DIXDC1: variants seen among roughly 807,000 people sequenced by gnomAD.
The protein encoded by DIXDC1 is dixin.
In DIXDC1, 64 loss-of-function variants were observed where a neutral mutation model predicts 103.1. The observed-to-expected ratio is 0.62, with a 90% CI of 0.51 to 0.76. The LOEUF (loss-of-function observed/expected upper bound fraction) is 0.76, where lower values mean the gene tolerates loss of function less well. DIXDC1 is among the 30% of genes least tolerant of loss of function. DIXDC1 has a pLI of 0.00. For synonymous variants in DIXDC1, 266 were observed against 298.5 expected (o/e 0.89, Z 1.12); for missense variants, 759 against 834.2 (o/e 0.91, Z 1.11).
intron 17 of DIXDC1, among the ~76,000 whole-genome samples, chr11:112,003,613 A>G (rs1417636155): frequency 6.6e-6 from 1 of 152,008 alleles, no homozygotes; most frequent in Non-Finnish European, 1.5e-5. Context: ...AGCCTGACCA[A>G]CATGGAGAAA....
At chr11:111,969,931 C>G (rs1214233016) in intron 3 of DIXDC1, among the ~76,000 whole-genome samples, 1 of 152,162 alleles carries the variant, frequency 6.6e-6, no homozygotes, top group Non-Finnish European at 1.5e-5. Context: ...TAAACTATCT[C>G]TCTTCACTGA....
chr11:111,960,254 C>T (rs1555170955), intron 1 of DIXDC1, among the ~76,000 whole-genome samples: 1 of 151,598 alleles, frequency 6.6e-6, no homozygotes, highest in Non-Finnish European at 1.5e-5. Flanking sequence ...TTCATTACGT[C>T]TAGGGAGCAT....
chr11:111,997,007 T>C (rs1860922902), intron 17 of DIXDC1, among the ~76,000 whole-genome samples: 1 of 152,222 alleles, frequency 6.6e-6, no homozygotes, highest in African/African-American at 2.4e-5. Flanking sequence ...AAAGCTACCC[T>C]GCCTGGTAAT....
intron 1 of DIXDC1, among the ~76,000 whole-genome samples, chr11:111,946,413 G>A (rs1342739040): frequency 6.6e-6 from 1 of 152,136 alleles, no homozygotes; most frequent in Non-Finnish European, 1.5e-5. Context: ...TATTAGAAAT[G>A]GGGCTTTGCC....
upstream of DIXDC1, among the ~76,000 whole-genome samples, chr11:111,936,412 T>A (rs1966187550): frequency 6.6e-6 from 1 of 152,258 alleles, no homozygotes; most frequent in African/African-American, 2.4e-5. Context: ...GCTTTTTACC[T>A]CTTTCAAATG....
intron 9 of DIXDC1, 122 bp downstream of exon 9, chr11:111,987,046 C>T (rs1184293697): frequency 1.6e-5 from 10 of 629,826 alleles, no homozygotes; most frequent in African/African-American, 9.3e-5. Flanking sequence ...GTCAGGAGAT[C>T]GAGACCATCC....
chr11:111,948,102 A>T (rs1433182842), intron 1 of DIXDC1, among the ~76,000 whole-genome samples: 1 of 152,210 alleles, frequency 6.6e-6, no homozygotes, highest in African/African-American at 2.4e-5. Flanking sequence ...GGACTTCAGG[A>T]TCCACAGTCT....
In DIXDC1 at chr11:111,937,401, A is replaced by G. The variant is rs781874463; in HGVS notation, c.-99A>G. ...CATGCGGGACTCCGGAGGGATCCCAATGAGCTGAGCCGAGAGCCTTTGTGT... is the reference window on the plus strand; with the variant it reads ...CATGCGGGACTCCGGAGGGATCCCAGTGAGCTGAGCCGAGAGCCTTTGTGT... On this transcript the variant is annotated 5_prime_UTR_variant, in exon 1 of 20. It removes an upstream start codon present in the reference 5' UTR. Coordinates refer to ENST00000440460, the MANE Select transcript of DIXDC1 (RefSeq NM_001037954.4). 424 of 1,504,108 alleles carry G rather than the reference A, an allele frequency of 2.8e-4. No homozygotes were observed. The highest frequency in any genetic ancestry group is 3.5e-4 in the Non-Finnish European group (393 of 1,126,980). The allele number at this position is 1,504,108 out of a possible 1,614,324, so 93.2% of individuals were successfully genotyped here. A position where few individuals can be genotyped will look rare whatever the true frequency, so the allele number is the denominator to read the frequency against.
At chr11:111,979,809 T>C (rs1555173046) in intron 5 of DIXDC1, among the ~76,000 whole-genome samples, 1 of 151,972 alleles carries the variant, frequency 6.6e-6, no homozygotes, top group African/African-American at 2.4e-5. Context: ...ATTTAAAAAT[T>C]AGCTTGGCAT....
chr11:111,974,174 C>G lies in DIXDC1; in HGVS notation c.468C>G (p.Ala156=), dbSNP rs1486497216. 6.2e-7 allele frequency: 1 copy of G among 1,613,830 alleles called. No homozygotes were observed. The highest frequency in any genetic ancestry group is 8.5e-7 in the Non-Finnish European group (1 of 1,179,870). The change falls in exon 4 of 20, where the codon GCC becomes GCG. Residue 156 remains alanine (A), a synonymous_variant. Coordinates refer to ENST00000440460, the MANE Select transcript of DIXDC1 (RefSeq NM_001037954.4). ...SHRPHCATAV[A]QGAAAALADV... The stretch of plus-strand genomic sequence containing the variant: ...GACCACACTGTGCCACTGCTGTTGC[C>G]CAGGGAGCAGCTGCTGCTCTGGCCG...
At chr11:111,986,138 T>C (rs1352574998) in intron 8 of DIXDC1, among the ~76,000 whole-genome samples, 3 of 152,198 alleles carry the variant, frequency 2.0e-5, no homozygotes, top group African/African-American at 7.2e-5. Context: ...CTGATTCCTC[T>C]CCTGTCTTCC....
chr11:111,944,307 C>T (rs587774747), intron 1 of DIXDC1, among the ~76,000 whole-genome samples: 1 of 152,312 alleles, frequency 6.6e-6, no homozygotes, highest in East Asian at 1.9e-4. Flanking sequence ...TTGTTGCCAG[C>T]AGGAAAACAT....
At position 112,016,785 on chromosome 11, in the gene DIXDC1, T is replaced by C; in HGVS notation, c.1851T>C (p.Asn617=). ...TDRSLTPFMV[N]IPKRLEEVTL... Reference sequence around the variant, plus strand: ...GGTCACTTACGCCCTTCATGGTCAATATACCAAAGAGGTGAGATTCTGGGA... The same window carrying C: ...GGTCACTTACGCCCTTCATGGTCAACATACCAAAGAGGTGAGATTCTGGGA... Residue 617 remains asparagine (N), a synonymous_variant, in exon 18 of 20, where the codon AAT becomes AAC. Coordinates refer to ENST00000440460, the MANE Select transcript of DIXDC1 (RefSeq NM_001037954.4). The C allele has an allele frequency of 1.2e-6, 2 of 1,605,242 alleles. No homozygotes were observed. Among genetic ancestry groups the C allele is most frequent in the Non-Finnish European group, 1.7e-6 (2 of 1,175,034 alleles).
rs1173306498 is a variant in DIXDC1, at chr11:111,958,580, A to G, written c.61-5969A>G. Among the ~76,000 whole-genome samples, 2 of 152,210 alleles carry G rather than the reference A, an allele frequency of 1.3e-5. No individual in the cohort carries two copies. The highest frequency in any genetic ancestry group is 2.9e-5 in the Non-Finnish European group (2 of 68,024). On this transcript the variant is annotated intron_variant, in intron 1 of 19. Coordinates refer to ENST00000440460, the MANE Select transcript of DIXDC1 (RefSeq NM_001037954.4). The surrounding 1 kb of genome is among the most constrained non-coding windows in gnomAD (Gnocchi z 4.2). ...GGGAGGCTGAGGGGATGGTGTGGGCAGCTCAGCGCTGGTCTACACGTGCCC... is the reference window on the plus strand; with the variant it reads ...GGGAGGCTGAGGGGATGGTGTGGGCGGCTCAGCGCTGGTCTACACGTGCCC...
intron 17 of DIXDC1, among the ~76,000 whole-genome samples, chr11:112,001,742 A>C (rs1187417557): frequency 6.6e-6 from 1 of 151,462 alleles, no homozygotes; most frequent in Admixed American, 6.6e-5. Flanking sequence ...AACAGATAAG[A>C]ATTCAGCTGA....
At position 111,985,288 on chromosome 11, in the gene DIXDC1, C is replaced by T; in HGVS notation, c.975C>T (p.Leu325=). ...ATGAACAGGAGAGGCCCTTGGCCCT[C>T]TGTGAACCAGGTGTCAATCCCGAGG... ...PEDEQERPLA[L]CEPGVNPEEQ... is the part of the protein sequence containing the mutation. Residue 325 remains leucine, a synonymous_variant, in exon 8 of 20, where the codon CTC becomes CTT. Transcript: ENST00000440460. 1 of 1,613,632 alleles carries T rather than the reference C, an allele frequency of 6.2e-7. No individual in the cohort carries two copies. Among genetic ancestry groups the T allele is most frequent in the Non-Finnish European group, 8.5e-7 (1 of 1,179,780 alleles).
chr11:111,974,474 T>C (rs1860034020), intron 4 of DIXDC1: 4 of 567,854 alleles, frequency 7.0e-6, no homozygotes, highest in Non-Finnish European at 1.2e-5. Context: ...AGGAATCTTA[T>C]GTGTAAGTTT....
chr11:111,979,982 G>A (rs889648493), intron 5 of DIXDC1, among the ~76,000 whole-genome samples: 2 of 152,130 alleles, frequency 1.3e-5, no homozygotes, highest in Admixed American at 1.3e-4. Flanking sequence ...AAAATCTTAA[G>A]AATTGTTGAG....
At position 111,995,577 on chromosome 11, in the gene DIXDC1, C is replaced by T. The variant is rs1316735075; in HGVS notation, c.1689+13C>T. 2.3e-5 allele frequency: 37 copies of T among 1,613,436 alleles called. No homozygotes were observed. Among genetic ancestry groups the T allele is most frequent in the Non-Finnish European group, 3.0e-5 (35 of 1,179,824 alleles). On this transcript the variant is annotated intron_variant, in intron 16 of 19. Transcript: ENST00000440460. ...ACAAGAAAGAAAGGTAACCCTCTTG[C>T]TGTGGTATCTCTCTTAGGCAAGCTC...
Sources: gnomAD v4.1 joint callset for allele counts (sites outside exome capture counted in the v4.1 genomes callset) on GRCh38, gnomAD v4.1.1 for gene constraint, Gnocchi (gnomAD v3.1) non-coding constraint, MANE v1.5 for transcripts, NCBI Gene and HGNC (gene_info 2026-07-23, HGNC 2026-07-21) for gene names.